The following SKAP2 variants were observed in gnomAD, a reference collection of about 807,000 sequenced individuals.
SKAP2 encodes the protein src kinase associated phosphoprotein 2.
Under a neutral mutation model 54.9 loss-of-function variants are expected in SKAP2, and 28 were observed. The observed-to-expected ratio is 0.51, with a 90% CI of 0.38 to 0.70. The LOEUF (loss-of-function observed/expected upper bound fraction) is 0.70, where lower values mean the gene tolerates loss of function less well. SKAP2 is among the 30% of genes least tolerant of loss of function. SKAP2 has a pLI of 0.00. For missense variants in SKAP2, 356 were observed against 424.1 expected (o/e 0.84, Z 1.41); for synonymous variants, 137 against 134.3 (o/e 1.02, Z -0.14).
intron 4 of SKAP2, among the ~76,000 whole-genome samples, chr7:26,741,461 C>T (rs6961653): frequency 0.08 from 12,109 of 151,592 alleles, 582 homozygotes; most frequent in Middle Eastern, 0.16. Flanking sequence ...GGGAGGATCC[C>T]CCAAGAGGTC....
chr7:26,694,429 A>G (rs1786852770), intron 9 of SKAP2, among the ~76,000 whole-genome samples: 1 of 151,808 alleles, frequency 6.6e-6, no homozygotes, highest in African/African-American at 2.4e-5. Context: ...TTATTATTCC[A>G]ATCACACATT....
At chr7:26,777,393 T>C (rs541430185) in intron 4 of SKAP2, among the ~76,000 whole-genome samples, 1 of 152,182 alleles carries the variant, frequency 6.6e-6, no homozygotes, top group Non-Finnish European at 1.5e-5. Flanking sequence ...AAATAAGATT[T>C]GCTTTTGATA....
intron 4 of SKAP2, among the ~76,000 whole-genome samples, chr7:26,741,952 A>G (rs911057318): frequency 6.6e-6 from 1 of 152,186 alleles, no homozygotes; most frequent in Non-Finnish European, 1.5e-5. Context: ...AGTAAACACC[A>G]CACAGTATCA....
chr7:26,664,966 A>C (rs1332644931), downstream of SKAP2, among the ~76,000 whole-genome samples: 1 of 152,088 alleles, frequency 6.6e-6, no homozygotes, highest in Non-Finnish European at 1.5e-5. Flanking sequence ...CATTTTGGGG[A>C]CTCAAAGCAC....
intron 11 of SKAP2, among the ~76,000 whole-genome samples, chr7:26,682,749 A>G (rs1786531482): frequency 6.6e-6 from 1 of 152,218 alleles, no homozygotes; most frequent in Non-Finnish European, 1.5e-5. Flanking sequence ...ATGGGCTGGA[A>G]CACCTTTAAC....
chr7:26,806,755 A>C (rs1016319384), intron 4 of SKAP2, among the ~76,000 whole-genome samples: 3 of 152,100 alleles, frequency 2.0e-5, no homozygotes, highest in Admixed American at 6.6e-5. Context: ...CAGTTACAAC[A>C]CTCCCTTAAG....
At chr7:26,722,694 C>T (rs999065944) in intron 9 of SKAP2, among the ~76,000 whole-genome samples, 1 of 152,118 alleles carries the variant, frequency 6.6e-6, no homozygotes, top group Admixed American at 6.5e-5. Flanking sequence ...CAGGCGTGAG[C>T]CACTGCGCCC....
At chr7:26,793,619 T>C (rs1013404781) in intron 4 of SKAP2, among the ~76,000 whole-genome samples, 8 of 152,138 alleles carry the variant, frequency 5.3e-5, no homozygotes, top group Non-Finnish European at 1.2e-4. Context: ...TAATCCCAAA[T>C]AAGAGGTACA....
intron 9 of SKAP2, among the ~76,000 whole-genome samples, chr7:26,700,193 G>C (rs765500876): frequency 3.3e-5 from 5 of 152,172 alleles, no homozygotes; most frequent in South Asian, 2.1e-4. Context: ...CAGCTGTAGA[G>C]TCAGTTATCT....
chr7:26,826,835 C>G (rs1207361360), intron 4 of SKAP2, among the ~76,000 whole-genome samples: 1 of 152,134 alleles, frequency 6.6e-6, no homozygotes, highest in Non-Finnish European at 1.5e-5. Context: ...AAAGTAAAAT[C>G]TATTGAAATA....
intron 4 of SKAP2, among the ~76,000 whole-genome samples, chr7:26,747,805 T>TCCC (rs1782589051): frequency 2.0e-5 from 3 of 149,680 alleles, no homozygotes; most frequent in Non-Finnish European, 4.4e-5. Context: ...CGCTCCCCTT[T>TCCC]CTCCTCCCTC....
intron 4 of SKAP2, among the ~76,000 whole-genome samples, chr7:26,802,962 A>C (rs6944529): frequency 0.3 from 45,475 of 151,936 alleles, 7,118 homozygotes; most frequent in Middle Eastern, 0.37. Flanking sequence ...ATATACAAAA[A>C]TCAAATCAAA....
chr7:26,701,516 T>G (rs1215723690), intron 9 of SKAP2, among the ~76,000 whole-genome samples: 1 of 152,146 alleles, frequency 6.6e-6, no homozygotes, highest in Non-Finnish European at 1.5e-5. Flanking sequence ...GTAGATCACC[T>G]GCAGTCAGGA....
intron 1 of SKAP2, among the ~76,000 whole-genome samples, chr7:26,860,770 T>G (rs1338170647): frequency 4.9e-5 from 1 of 20,264 alleles, no homozygotes; most frequent in Non-Finnish European, 1.0e-4. Context: ...CTTCACCTAG[T>G]GCCCCTACAG....
intron 4 of SKAP2, among the ~76,000 whole-genome samples, chr7:26,808,404 C>T (rs1784071517): frequency 6.6e-6 from 1 of 152,066 alleles, no homozygotes; most frequent in South Asian, 2.1e-4. Flanking sequence ...ACATGAAGTA[C>T]CTAGAACAGG....
At chr7:26,766,470 T>A (rs999980544) in intron 4 of SKAP2, among the ~76,000 whole-genome samples, 1 of 152,216 alleles carries the variant, frequency 6.6e-6, no homozygotes, top group Non-Finnish European at 1.5e-5. Context: ...TATTTCTTTC[T>A]CTTGCCTGAC....
At chr7:26,812,443 T>C (rs3801834) in intron 4 of SKAP2, among the ~76,000 whole-genome samples, 32,201 of 151,896 alleles carry the variant, frequency 0.21, 3,470 homozygotes, top group Non-Finnish European at 0.24. Context: ...ACGGAAATTC[T>C]CATATCTGTT....
intron 4 of SKAP2, among the ~76,000 whole-genome samples, chr7:26,740,590 A>C (rs1257210617): frequency 6.6e-6 from 1 of 152,222 alleles, no homozygotes; most frequent in African/African-American, 2.4e-5. Context: ...TTTTTAAATC[A>C]AGCAAAAGTT....
At chr7:26,821,072 G>A (rs1048947904) in intron 4 of SKAP2, among the ~76,000 whole-genome samples, 3 of 152,010 alleles carry the variant, frequency 2.0e-5, no homozygotes, top group African/African-American at 4.8e-5. Flanking sequence ...TGCATTTGAC[G>A]ACAACAGTAC....
Sources: gnomAD v4.1 joint callset for allele counts (sites outside exome capture counted in the v4.1 genomes callset) on GRCh38, gnomAD v4.1.1 for gene constraint, MANE v1.5 for transcripts, NCBI Gene and HGNC (gene_info 2026-07-23, HGNC 2026-07-21) for gene names.